Variants in USP8 observed in about 807,000 individuals in gnomAD.
USP8 encodes the protein ubiquitin carboxyl-terminal hydrolase 8.
A neutral mutation model predicts 130.0 loss-of-function variants in USP8; 27 were observed. The ratio of observed to expected loss-of-function variants is 0.21; its 90% confidence interval spans 0.15 to 0.29. The LOEUF (loss-of-function observed/expected upper bound fraction) is 0.29, where lower values mean the gene tolerates loss of function less well. Ranked by LOEUF, USP8 falls within the 10% of genes least tolerant of loss-of-function variation. The probability of loss-of-function intolerance (pLI) is 1.00; values close to 1 mark genes in which losing one functional copy is unlikely to be tolerated. For missense variants in USP8, 1,029 were observed against 1,312.2 expected (o/e 0.78, Z 3.33); for synonymous variants, 392 against 444.1 (o/e 0.88, Z 1.48).
intron 7 of USP8, among the ~76,000 whole-genome samples, chr15:50,469,882 A>G (rs2051320476): frequency 6.9e-6 from 1 of 145,026 alleles, no homozygotes; most frequent in Non-Finnish European, 1.5e-5. Context: ...CCCAGGCTGG[A>G]GTGCAGTGGC....
rs561468758 is a variant in USP8, at chr15:50,505,398, T to C, written c.*6310T>C. On this transcript the variant is annotated 3_prime_UTR_variant, in exon 20 of 20. Transcript: ENST00000307179. Reference sequence around the variant, plus strand: ...CTTCAAAATAATAGAGAAAAATAACTGTCAATCTGGAATTTGATTTCTAGT... The same window carrying C: ...CTTCAAAATAATAGAGAAAAATAACCGTCAATCTGGAATTTGATTTCTAGT... 1.3e-5 allele frequency: 2 copies of C among 152,292 alleles called. No individual in the cohort carries two copies. The highest frequency in any genetic ancestry group is 2.4e-5 in the African/African-American group (1 of 41,566). The allele number at this position is 152,292 out of a possible 1,614,324, so 9.4% of individuals were successfully genotyped here. A position where few individuals can be genotyped will look rare whatever the true frequency, so the allele number is the denominator to read the frequency against.
At chr15:50,458,839 C>T (rs2050879066) in intron 4 of USP8, among the ~76,000 whole-genome samples, 161 bp from the exon 5 acceptor site, 1 of 152,156 alleles carries the variant, frequency 6.6e-6, no homozygotes, top group African/African-American at 2.4e-5. Flanking sequence ...AGTAAATCTA[C>T]AGATGGCCTC....
intron 8 of USP8, among the ~76,000 whole-genome samples, 175 bp from the exon 9 acceptor site, chr15:50,476,673 AC>A (rs1293957496): frequency 1.3e-5 from 2 of 151,896 alleles, no homozygotes; most frequent in Non-Finnish European, 2.9e-5. Context: ...GGTTTTTAAA[AC>A]CTCACCTATA....
In USP8 at chr15:50,504,459, G is replaced by A. The variant is rs149008265; in HGVS notation, c.*5371G>A. 5.7e-3 allele frequency: 870 copies of A among 152,402 alleles called. 8 individuals carry two copies. Among genetic ancestry groups the A allele is most frequent in the African/African-American group, 0.02 (838 of 41,546 alleles). 9.4% of individuals were successfully genotyped at this position (152,402 alleles called of 1,614,324 possible). ...GAATCACCTGAGCCCAGGAGGTCGAGGCTACAGTGAGCTGTGACTGAGCCA... is the reference window on the plus strand; with the variant it reads ...GAATCACCTGAGCCCAGGAGGTCGAAGCTACAGTGAGCTGTGACTGAGCCA... On this transcript the variant is annotated 3_prime_UTR_variant, in exon 20 of 20. Coordinates refer to ENST00000307179, the MANE Select transcript of USP8 (RefSeq NM_005154.5).
intron 9 of USP8, 71 bp downstream of exon 9, chr15:50,477,064 A>G (rs1403985528): frequency 6.4e-7 from 1 of 1,565,874 alleles, no homozygotes; most frequent in Non-Finnish European, 8.6e-7. Flanking sequence ...TCCCGGTAAC[A>G]TTCTTGGTTG....
intron 15 of USP8, chr15:50,493,380 T>C (rs1175861956): frequency 1.9e-6 from 1 of 519,252 alleles, no homozygotes; most frequent in Non-Finnish European, 3.8e-6. Context: ...CAAGAACCCA[T>C]TTTACCTTTC....
chr15:50,464,247 G>A (rs2051107087), intron 6 of USP8, among the ~76,000 whole-genome samples: 1 of 152,122 alleles, frequency 6.6e-6, no homozygotes, highest in South Asian at 2.1e-4. Context: ...AGAATAGCAA[G>A]CTTTTGACTT....
chr15:50,443,428 T>C (rs2050323179), intron 3 of USP8, among the ~76,000 whole-genome samples: 1 of 152,150 alleles, frequency 6.6e-6, no homozygotes, highest in African/African-American at 2.4e-5. Flanking sequence ...GATAAATCAT[T>C]GCTGGTATTT....
intron 4 of USP8, among the ~76,000 whole-genome samples, chr15:50,457,951 A>G (rs1404734494): frequency 6.6e-6 from 1 of 152,112 alleles, no homozygotes; most frequent in Non-Finnish European, 1.5e-5. Context: ...AATGGAAACT[A>G]TTGATTCGTC....
At position 50,511,987 on chromosome 15, in the gene USP8, T is replaced by TA. The variant is rs2052744491; in HGVS notation, c.*12900dup. 6.6e-6 allele frequency: 1 copy of TA among 151,010 alleles called. No homozygotes were observed. Among genetic ancestry groups the TA allele is most frequent in the Non-Finnish European group, 1.5e-5 (1 of 67,718 alleles). The allele number at this position is 151,010 out of a possible 1,614,324, so 9.4% of individuals were successfully genotyped here. ...CACTCCAGCCTGAGCAAGAGTGAGA[T>TA]ATTGTCTCAAAAAATAAAATAAATA... On this transcript the variant is annotated 3_prime_UTR_variant, in exon 20 of 20. Transcript: ENST00000307179.
chr15:50,453,204 A>T (rs755380046), intron 4 of USP8, among the ~76,000 whole-genome samples: 13 of 152,252 alleles, frequency 8.5e-5, no homozygotes, highest in Non-Finnish European at 1.5e-4. Flanking sequence ...ATATGATGAA[A>T]CATCTGTTTT....
chr15:50,428,411 CG>C (rs1352250388), intron 1 of USP8, among the ~76,000 whole-genome samples: 2 of 152,192 alleles, frequency 1.3e-5, no homozygotes, highest in South Asian at 2.1e-4. Context: ...GCTACCACGC[CG>C]GGCCTACAAT....
At chr15:50,471,899 T>TG in intron 8 of USP8, 104 bp downstream of exon 8, 1 of 1,215,458 alleles carries the variant, frequency 8.2e-7, no homozygotes, top group Non-Finnish European at 1.1e-6. Flanking sequence ...AGATTCATCA[T>TG]GCCTTTTTTT....
chr15:50,466,002 A>T (rs1397705516), intron 7 of USP8, among the ~76,000 whole-genome samples: 3 of 152,074 alleles, frequency 2.0e-5, no homozygotes, highest in East Asian at 3.9e-4. Context: ...CTTAATTTAA[A>T]TTTTTTTCTT....
Position 50,511,797 on chromosome 15 carries a change from G to GA in USP8, c.*12710dup, listed in dbSNP as rs1404133791. 4.6e-5 allele frequency: 7 copies of GA among 152,230 alleles called. No individual in the cohort carries two copies. Among genetic ancestry groups the GA allele is most frequent in the Non-Finnish European group, 1.0e-4 (7 of 68,060 alleles). 9.4% of individuals were successfully genotyped at this position (152,230 alleles called of 1,614,324 possible). A position where few individuals can be genotyped will look rare whatever the true frequency, so the allele number is the denominator to read the frequency against. On this transcript the variant is annotated 3_prime_UTR_variant, in exon 20 of 20. Transcript: ENST00000307179. ...GGATCACTTGACGTCTGGAGTTTGAGACCAGCCTGGGCAATATAGCAAAAC... is the reference window on the plus strand; with the variant it reads ...GGATCACTTGACGTCTGGAGTTTGAGAACCAGCCTGGGCAATATAGCAAAAC...
intron 1 of USP8, among the ~76,000 whole-genome samples, chr15:50,425,412 G>T (rs17509944): frequency 0.071 from 10,882 of 152,280 alleles, 581 homozygotes; most frequent in Non-Finnish European, 0.099. Context: ...CTCTGCTGCG[G>T]CTTTGCTATG....
At chr15:50,478,552 T>C (rs980986278) in intron 10 of USP8, among the ~76,000 whole-genome samples, 6 of 152,228 alleles carry the variant, frequency 3.9e-5, no homozygotes, top group African/African-American at 7.2e-5. Context: ...TAAGGTCTTT[T>C]AGTATTGCAG....
chr15:50,450,424 C>CA (rs2050588021), intron 4 of USP8, among the ~76,000 whole-genome samples: 1 of 142,140 alleles, frequency 7.0e-6, no homozygotes, highest in Non-Finnish European at 1.5e-5. Context: ...AATTACAAAA[C>CA]AAAAACAGTA....
At chr15:50,463,174 G>A (rs532008589) in intron 6 of USP8, among the ~76,000 whole-genome samples, 6 of 152,188 alleles carry the variant, frequency 3.9e-5, no homozygotes, top group South Asian at 4.2e-4. Flanking sequence ...GTTCGAGCCC[G>A]GGAGGTTGAG....
Sources: gnomAD v4.1 joint callset for allele counts (sites outside exome capture counted in the v4.1 genomes callset) on GRCh38, gnomAD v4.1.1 for gene constraint, MANE v1.5 for transcripts, NCBI Gene and HGNC (gene_info 2026-07-23, HGNC 2026-07-21) for gene names.